The following PTPRD variants were observed in gnomAD, a reference collection of about 807,000 sequenced individuals.
PTPRD encodes the protein receptor-type tyrosine-protein phosphatase delta.
In PTPRD, 34 loss-of-function variants were observed where a neutral mutation model predicts 214.5. That is an observed-to-expected ratio of 0.16 (90% CI 0.12 to 0.21). The LOEUF (loss-of-function observed/expected upper bound fraction) is 0.21. PTPRD is among the 10% of genes least tolerant of loss of function. The probability of loss-of-function intolerance (pLI) is 1.00; values close to 1 mark genes in which losing one functional copy is unlikely to be tolerated. For synonymous variants in PTPRD, 1,128 were observed against 845.7 expected (o/e 1.33, Z -5.79); for missense variants, 2,545 against 2,398.7 (o/e 1.06, Z -1.27).
At chr9:10,314,436 G>C (rs1277512681) in intron 3 of PTPRD, among the ~76,000 whole-genome samples, 1 of 151,918 alleles carries the variant, frequency 6.6e-6, no homozygotes, top group South Asian at 2.1e-4. Flanking sequence ...GCAGGAACAA[G>C]TAAACAAATA....
At chr9:8,637,697 C>A (rs1327193271) in intron 12 of PTPRD, among the ~76,000 whole-genome samples, 1 of 152,080 alleles carries the variant, frequency 6.6e-6, no homozygotes, top group Non-Finnish European at 1.5e-5. Flanking sequence ...TACTTATGCA[C>A]AAAGATATTC....
At chr9:8,807,869 T>C (rs891100781) in intron 11 of PTPRD, among the ~76,000 whole-genome samples, 1 of 152,194 alleles carries the variant, frequency 6.6e-6, no homozygotes, top group Non-Finnish European at 1.5e-5. Context: ...CAGTGGTATG[T>C]ATGGCGAGAC....
At chr9:10,299,448 T>A (rs72698936) in intron 3 of PTPRD, among the ~76,000 whole-genome samples, 15,402 of 152,190 alleles carry the variant, frequency 0.1, 1,018 homozygotes, top group Middle Eastern at 0.2. Flanking sequence ...GATGTTAACA[T>A]CTGTAGAATT....
chr9:10,150,345 G>T (rs1487774820), intron 3 of PTPRD, among the ~76,000 whole-genome samples: 2 of 152,142 alleles, frequency 1.3e-5, no homozygotes, highest in Non-Finnish European at 2.9e-5. Flanking sequence ...AAAAGGATGA[G>T]TTCATGTCCT....
intron 11 of PTPRD, among the ~76,000 whole-genome samples, chr9:8,908,491 A>C (rs1473458972): frequency 6.6e-6 from 1 of 152,148 alleles, no homozygotes; most frequent in Admixed American, 6.5e-5. Context: ...TTTTTAAATA[A>C]CCCATGGGGT....
At chr9:9,939,978 C>G (rs941801896) in intron 4 of PTPRD, among the ~76,000 whole-genome samples, 1 of 152,182 alleles carries the variant, frequency 6.6e-6, no homozygotes, top group East Asian at 1.9e-4. Context: ...TAGATAATAA[C>G]TTCCTGAATA....
At chr9:9,975,564 G>A (rs758811380) in intron 4 of PTPRD, among the ~76,000 whole-genome samples, 1 of 152,142 alleles carries the variant, frequency 6.6e-6, no homozygotes, top group Non-Finnish European at 1.5e-5. Context: ...CAAAGACTTC[G>A]TGAAACAGAG....
intron 10 of PTPRD, among the ~76,000 whole-genome samples, chr9:9,074,140 G>C (rs1340461450): frequency 2.6e-5 from 4 of 152,078 alleles, no homozygotes; most frequent in Admixed American, 2.6e-4. Context: ...AGTTTAAATA[G>C]CTCTTAGGAT....
chr9:9,275,072 A>AT (rs1412993700), intron 9 of PTPRD, among the ~76,000 whole-genome samples: 1 of 75,560 alleles, frequency 1.3e-5, no homozygotes, highest in African/African-American at 5.1e-5. Context: ...TATATTATAT[A>AT]TATATATATA....
chr9:10,409,290 G>A (rs1395330240), intron 2 of PTPRD, among the ~76,000 whole-genome samples: 1 of 151,556 alleles, frequency 6.6e-6, no homozygotes, highest in Non-Finnish European at 1.5e-5. Flanking sequence ...TAGTATGATT[G>A]GGCACCTTTC....
chr9:8,952,838 T>C (rs899450675), intron 11 of PTPRD, among the ~76,000 whole-genome samples: 4 of 151,954 alleles, frequency 2.6e-5, no homozygotes, highest in African/African-American at 7.2e-5. Flanking sequence ...TTTTTTTTGC[T>C]CACTCTCAAT....
intron 21 of PTPRD, among the ~76,000 whole-genome samples, chr9:8,512,141 C>T (rs1421520014): frequency 6.6e-6 from 1 of 151,946 alleles, no homozygotes; most frequent in African/African-American, 2.4e-5. Context: ...TATTAAGGTA[C>T]ATGTTTTAAA....
intron 10 of PTPRD, among the ~76,000 whole-genome samples, chr9:9,059,629 T>A (rs1221604532): frequency 6.6e-5 from 10 of 152,022 alleles, no homozygotes; most frequent in Admixed American, 6.6e-4. Context: ...TAGTAAAAGT[T>A]AGAAATTAAT....
chr9:10,230,303 G>A (rs2154355491), intron 3 of PTPRD, among the ~76,000 whole-genome samples: 1 of 152,082 alleles, frequency 6.6e-6, no homozygotes, highest in Middle Eastern at 3.4e-3. Context: ...TTCGATTTAT[G>A]GGACTTTGTT....
chr9:9,036,620 A>G (rs2099622680), intron 10 of PTPRD, among the ~76,000 whole-genome samples: 1 of 152,230 alleles, frequency 6.6e-6, no homozygotes, highest in African/African-American at 2.4e-5. Flanking sequence ...GAAACTGAGT[A>G]TGAGTTATAA....
At chr9:8,443,748 G>A (rs2095626675) in intron 34 of PTPRD, among the ~76,000 whole-genome samples, 2 of 152,094 alleles carry the variant, frequency 1.3e-5, no homozygotes, top group African/African-American at 4.8e-5. Context: ...CAGGCAGAGG[G>A]GAAGGTAATG....
chr9:9,839,278 G>C (rs1320244006), intron 5 of PTPRD, among the ~76,000 whole-genome samples: 1 of 152,102 alleles, frequency 6.6e-6, no homozygotes, highest in Non-Finnish European at 1.5e-5. Flanking sequence ...GTTTGCAGAT[G>C]ACATGATTGT....
intron 12 of PTPRD, among the ~76,000 whole-genome samples, chr9:8,684,800 GAATTAT>G (rs1165036066): frequency 6.6e-6 from 1 of 152,000 alleles, no homozygotes; most frequent in Non-Finnish European, 1.5e-5. Context: ...GTGCTTCTAC[GAATTAT>G]AATTATATTC....
Position 8,566,711 on chromosome 9 carries a change from G to C in PTPRD, c.353-37932C>G, listed in dbSNP as rs1036178759. Among the ~76,000 whole-genome samples the C allele has an allele frequency of 3.3e-5, 5 of 152,186 alleles. No homozygotes were observed. In the East Asian group the frequency reaches 9.6e-4, roughly 29 times the overall value. ...ACACTCATGATTATTTGCCAAATAA[G>C]AATGGAGTCAAATTCATATCCATTG... is the stretch of plus-strand genomic sequence containing the variant. On this transcript the variant is annotated intron_variant, in intron 14 of 45. Transcript: ENST00000381196.
Sources: gnomAD v4.1 joint callset for allele counts (sites outside exome capture counted in the v4.1 genomes callset) on GRCh38, gnomAD v4.1.1 for gene constraint, MANE v1.5 for transcripts, NCBI Gene and HGNC (gene_info 2026-07-23, HGNC 2026-07-21) for gene names.